The following BBS9 variants were observed in gnomAD, a reference collection of about 807,000 sequenced individuals.
The protein encoded by BBS9 is Bardet-Biedl syndrome 9, also known as protein PTHB1.
Under a neutral mutation model 117.7 loss-of-function variants are expected in BBS9, and 89 were observed. That is an observed-to-expected ratio of 0.76 (90% CI 0.64 to 0.90). The LOEUF (loss-of-function observed/expected upper bound fraction) is 0.90. Ranked by LOEUF, BBS9 falls within the 40% of genes least tolerant of loss-of-function variation. The pLI, the probability that BBS9 is intolerant of heterozygous loss-of-function variation, is 0.00. For synonymous variants in BBS9, 379 were observed against 370.9 expected (o/e 1.02, Z -0.25); for missense variants, 982 against 1,042.2 (o/e 0.94, Z 0.80).
chr7:33,503,866 G>A (rs12536844), intron 19 of BBS9, among the ~76,000 whole-genome samples: 34,874 of 151,988 alleles, frequency 0.23, 4,811 homozygotes, highest in Admixed American at 0.36. Context: ...CCATCTTTTC[G>A]AGGGGACTTC....
chr7:33,497,578 A>G lies in BBS9; in HGVS notation c.2116-7885A>G, dbSNP rs185272352. Among the ~76,000 whole-genome samples the G allele has an allele frequency of 1.2e-3, 184 of 152,320 alleles. 2 individuals are homozygous for G. The highest frequency in any genetic ancestry group is 3.4e-3 in the Middle Eastern group (1 of 294). On this transcript the variant is annotated intron_variant, in intron 19 of 22. Transcript: ENST00000242067. ...TAACATTTTCAGTAAGGTATAAAAG[A>G]AGAACAAGCAATGTCTGGCTCCCCA...
chr7:33,273,125 G>A lies in BBS9; in HGVS notation c.816G>A (p.Lys272=), dbSNP rs1800120493. Residue 272 remains lysine, a synonymous_variant, in exon 8 of 23, where the codon AAG becomes AAA. Transcript: ENST00000242067. ...GTGAGAGAAACTTTTTTTGCCTTAA[G>A]GATAATGGACAAATTCGATTCATGA... is the stretch of plus-strand genomic sequence containing the variant. ...VLGERNFFCL[K]DNGQIRFMKK... 4.3e-6 allele frequency: 7 copies of A among 1,613,462 alleles called. No homozygotes were observed. The highest frequency in any genetic ancestry group is 1.3e-5 in the African/African-American group (1 of 74,856).
intron 21 of BBS9, among the ~76,000 whole-genome samples, chr7:33,590,459 G>GTTTTTTT (rs71554107): frequency 2.1e-4 from 21 of 101,498 alleles, no homozygotes; most frequent in Middle Eastern, 5.6e-3. Context: ...TTGTTTTTTT[G>GTTTTTTT]TTTTTTTTTT....
intron 5 of BBS9, among the ~76,000 whole-genome samples, chr7:33,184,394 A>G (rs1165414592): frequency 2.0e-5 from 3 of 152,096 alleles, no homozygotes; most frequent in Non-Finnish European, 2.9e-5. Context: ...AGGCAGATTA[A>G]TCCAAAGAAA....
chr7:33,380,624 T>C (rs1022697786), intron 17 of BBS9: 1 of 152,238 alleles, frequency 6.6e-6, no homozygotes, highest in African/African-American at 2.4e-5. Context: ...CTGTGGTCAA[T>C]TGTGGCAGTG....
intron 19 of BBS9, among the ~76,000 whole-genome samples, chr7:33,485,065 T>C (rs1842921092): frequency 6.6e-6 from 1 of 152,146 alleles, no homozygotes; most frequent in Non-Finnish European, 1.5e-5. Context: ...ACACCTCATG[T>C]TCTCACTTAT....
At position 33,574,727 on chromosome 7, in the gene BBS9, GCGCACA is replaced by G. The variant is rs1266890679; in HGVS notation, c.2522-30136_2522-30131del. On this transcript the variant is annotated intron_variant, in intron 21 of 22. Transcript: ENST00000242067. ...CACACACACACACACACACACACAC[GCGCACA>G]CACACACACTTTCACTATTTATTTA... 5.7e-4 allele frequency among the ~76,000 whole-genome samples: 51 copies of G among 88,948 alleles called. 1 individual carries two copies. Among genetic ancestry groups the G allele is most frequent in the African/African-American group, 1.6e-3 (51 of 31,362 alleles). 58.4% of individuals were successfully genotyped at this position (88,948 alleles called of 152,430 possible).
chr7:33,482,277 T>C (rs1842605164), intron 19 of BBS9, among the ~76,000 whole-genome samples: 1 of 152,178 alleles, frequency 6.6e-6, no homozygotes, highest in African/African-American at 2.4e-5. Flanking sequence ...AGGGAGGGCC[T>C]TCCTGCTGGT....
intron 17 of BBS9, among the ~76,000 whole-genome samples, chr7:33,377,305 G>A (rs1294153116): frequency 1.3e-5 from 2 of 151,908 alleles, no homozygotes; most frequent in Admixed American, 6.6e-5. Flanking sequence ...GTTTTTGTCA[G>A]CTTTGTTGAA....
Position 33,480,928 on chromosome 7 carries a change from C to G in BBS9, c.2116-24535C>G, listed in dbSNP as rs138835247. On this transcript the variant is annotated intron_variant, in intron 19 of 22. Transcript: ENST00000242067. The stretch of plus-strand genomic sequence containing the variant: ...GTTTGGCAGTTCCCCACCCCCAGCC[C>G]CCCACAGCCATGTAAGAAATGCCTT... Among the ~76,000 whole-genome samples, 774 of 152,196 alleles carry G rather than the reference C, an allele frequency of 5.1e-3. 7 individuals carry two copies. Among genetic ancestry groups the G allele is most frequent in the African/African-American group, 0.018 (729 of 41,534 alleles).
At position 33,626,235 on chromosome 7, in the gene BBS9, G is replaced by A. The variant is rs117887462; in HGVS notation, c.2522-8942G>A. On this transcript the variant is annotated intron_variant, in intron 21 of 21. Coordinates refer to the BBS9 transcript ENST00000671952. ...CATGCTTGGTTCCCCTTCACCTTCC[G>A]CTGTGATTCTAAGTTTTCTGAGGCC... Among the ~76,000 whole-genome samples the A allele has an allele frequency of 2.7e-3, 408 of 152,214 alleles. 2 individuals are homozygous for A. Among genetic ancestry groups the A allele is most frequent in the East Asian group, 0.025 (132 of 5,186 alleles).
intron 5 of BBS9, among the ~76,000 whole-genome samples, chr7:33,209,758 A>T (rs1339580913): frequency 6.6e-6 from 1 of 151,840 alleles, no homozygotes; most frequent in Non-Finnish European, 1.5e-5. Flanking sequence ...TTCCTCTCTG[A>T]TTTTATTTAT....
intron 17 of BBS9, among the ~76,000 whole-genome samples, chr7:33,378,603 A>G (rs1488174254): frequency 6.6e-6 from 1 of 152,184 alleles, no homozygotes; most frequent in African/African-American, 2.4e-5. Context: ...GCTTAGACTT[A>G]TTCACATTTC....
At chr7:33,247,590 A>G (rs941238154) in intron 5 of BBS9, among the ~76,000 whole-genome samples, 3 of 152,142 alleles carry the variant, frequency 2.0e-5, no homozygotes, top group Admixed American at 2.0e-4. Context: ...TGAAGCTTTT[A>G]ATCATCCTTC....
intron 21 of BBS9, among the ~76,000 whole-genome samples, chr7:33,576,417 A>C (rs1484959275): frequency 1.3e-5 from 2 of 152,218 alleles, no homozygotes; most frequent in Non-Finnish European, 2.9e-5. Flanking sequence ...GGACATAAAG[A>C]AATGGAAGAA....
intron 15 of BBS9, among the ~76,000 whole-genome samples, chr7:33,356,763 A>C (rs1819683313): frequency 6.6e-6 from 1 of 151,814 alleles, no homozygotes; most frequent in Non-Finnish European, 1.5e-5. Context: ...TGCTAATTCC[A>C]GGGATCCTGC....
Position 33,195,024 on chromosome 7 carries a change from C to A in BBS9, c.442+17433C>A, listed in dbSNP as rs180896236. ...CTATCTGATTTGAACCCAGAGCTAT[C>A]TGATTCCAAAGCTCATGTTCTTCCT... On this transcript the variant is annotated intron_variant, in intron 5 of 22. Transcript: ENST00000242067. Among the ~76,000 whole-genome samples the A allele has an allele frequency of 3.7e-3, 561 of 152,268 alleles. 1 individual carries two copies. The highest frequency in any genetic ancestry group is 6.8e-3 in the Middle Eastern group (2 of 294).
intron 4 of BBS9, among the ~76,000 whole-genome samples, chr7:33,159,214 T>C (rs1450802373): frequency 6.6e-6 from 1 of 152,180 alleles, no homozygotes; most frequent in African/African-American, 2.4e-5. Flanking sequence ...GGTCATCCTC[T>C]CAATTTTGAG....
intron 15 of BBS9, among the ~76,000 whole-genome samples, chr7:33,356,253 G>A (rs1468726664): frequency 2.0e-5 from 3 of 151,698 alleles, no homozygotes; most frequent in Non-Finnish European, 4.4e-5. Flanking sequence ...GATATATAGA[G>A]TATATGGAAA....
Sources: gnomAD v4.1 joint callset for allele counts (sites outside exome capture counted in the v4.1 genomes callset) on GRCh38, gnomAD v4.1.1 for gene constraint, MANE v1.5 for transcripts, NCBI Gene and HGNC (gene_info 2026-07-23, HGNC 2026-07-21) for gene names.